Variants in CTNNA3 observed in about 807,000 individuals in gnomAD.
CTNNA3 encodes the protein catenin alpha-3.
CTNNA3 carries 76 observed loss-of-function variants against 95.7 expected under a neutral mutation model. The observed-to-expected ratio is 0.79, with a 90% CI of 0.66 to 0.96. The LOEUF (loss-of-function observed/expected upper bound fraction) is 0.96. Ranked by LOEUF, CTNNA3 falls within the 40% of genes least tolerant of loss-of-function variation. The pLI is 0.00. For missense variants in CTNNA3, 1,191 were observed against 1,089.8 expected, an observed-to-expected ratio of 1.09 and a Z score of -1.31; for synonymous variants, 431 against 374.4, an observed-to-expected ratio of 1.15 and a Z score of -1.74.
intron 2 of CTNNA3, among the ~76,000 whole-genome samples, chr10:67,612,207 T>C (rs370655141): frequency 3.3e-5 from 5 of 152,198 alleles, no homozygotes; most frequent in Non-Finnish European, 7.3e-5. Flanking sequence ...TAAACACTTA[T>C]ATTTTGTTCA....
chr10:66,744,559 C>T (rs4319399), intron 9 of CTNNA3, among the ~76,000 whole-genome samples: 76,984 of 151,958 alleles, frequency 0.51, 19,800 homozygotes, highest in African/African-American at 0.59. Context: ...TATTTCTAGA[C>T]AGTATCTAAT....
At chr10:67,096,310 C>A (rs1857989429) in intron 7 of CTNNA3, among the ~76,000 whole-genome samples, 2 of 151,654 alleles carry the variant, frequency 1.3e-5, no homozygotes, top group Admixed American at 1.3e-4. Context: ...GGGATGGAAA[C>A]AGAAGTGGCA....
At chr10:67,763,288 AT>A (rs1281332463) in intron 1 of CTNNA3, among the ~76,000 whole-genome samples, 1 of 145,154 alleles carries the variant, frequency 6.9e-6, no homozygotes, top group Non-Finnish European at 1.5e-5. Flanking sequence ...AAAAAAAAAA[AT>A]TCCTAAAAGA....
chr10:66,008,793 T>A (rs913194478), intron 15 of CTNNA3, among the ~76,000 whole-genome samples: 1 of 152,072 alleles, frequency 6.6e-6, no homozygotes, highest in Non-Finnish European at 1.5e-5. Flanking sequence ...TGTGAATGAG[T>A]ATTAGAGGAT....
intron 10 of CTNNA3, among the ~76,000 whole-genome samples, chr10:66,557,678 G>A (rs1842432459): frequency 6.6e-6 from 1 of 152,070 alleles, no homozygotes; most frequent in African/African-American, 2.4e-5. Flanking sequence ...TCACACATAA[G>A]TATACTCCCA....
chr10:67,103,766 T>G (rs889152899), intron 7 of CTNNA3, among the ~76,000 whole-genome samples: 14 of 151,800 alleles, frequency 9.2e-5, no homozygotes, highest in African/African-American at 3.4e-4. Flanking sequence ...TTATACAGAA[T>G]TATTTATTCT....
At chr10:66,598,213 T>G (rs556710251) in intron 10 of CTNNA3, among the ~76,000 whole-genome samples, 1 of 152,198 alleles carries the variant, frequency 6.6e-6, no homozygotes, top group Admixed American at 6.5e-5. Flanking sequence ...TTTGACATTC[T>G]TTTTTGATAA....
intron 14 of CTNNA3, among the ~76,000 whole-genome samples, chr10:66,074,943 A>T (rs1390320491): frequency 6.6e-6 from 1 of 151,904 alleles, no homozygotes; most frequent in African/African-American, 2.4e-5. Context: ...AGCTAAAAAA[A>T]ACTCAAGACT....
chr10:66,510,698 G>A (rs1218489085), intron 11 of CTNNA3, among the ~76,000 whole-genome samples: 1 of 151,736 alleles, frequency 6.6e-6, no homozygotes, highest in African/African-American at 2.4e-5. Flanking sequence ...TACATTTATT[G>A]ATTTGCATAT....
chr10:67,742,930 T>C (rs1257053971), intron 1 of CTNNA3, among the ~76,000 whole-genome samples: 3 of 151,132 alleles, frequency 2.0e-5, no homozygotes, highest in African/African-American at 7.3e-5. Context: ...TCTACGCATA[T>C]ATCCTCCCAA....
intron 9 of CTNNA3, among the ~76,000 whole-genome samples, chr10:66,699,922 G>T (rs564159423): frequency 3.3e-5 from 5 of 152,176 alleles, no homozygotes. Flanking sequence ...CTCCCAAAGT[G>T]CTGGGATTAC....
intron 13 of CTNNA3, among the ~76,000 whole-genome samples, chr10:66,261,804 C>G (rs918764216): frequency 5.9e-5 from 9 of 151,828 alleles, no homozygotes; most frequent in African/African-American, 1.9e-4. Context: ...TTTTGAAGAC[C>G]CCCACAGAGG....
At position 67,473,614 on chromosome 10, in the gene CTNNA3, T is replaced by A. The variant is rs1175195693; in HGVS notation, c.579+48228A>T. On this transcript the variant is annotated intron_variant, in intron 5 of 17. Coordinates refer to ENST00000433211, the MANE Select transcript of CTNNA3 (RefSeq NM_013266.4). ...GAGGCTCATTAAATTACACTGTAAA[T>A]ACAGTGGGCCCTACATATTCACAGA... 4.6e-5 allele frequency among the ~76,000 whole-genome samples: 7 copies of A among 152,246 alleles called. No homozygotes were observed. In the South Asian group the frequency reaches 1.5e-3, roughly 32 times the overall value.
At chr10:67,359,074 T>A (rs1463154792) in intron 5 of CTNNA3, among the ~76,000 whole-genome samples, 1 of 151,800 alleles carries the variant, frequency 6.6e-6, no homozygotes, top group African/African-American at 2.4e-5. Context: ...TAAATATGCA[T>A]CACCTGTGAA....
At chr10:66,155,081 A>C (rs2084420696) in intron 13 of CTNNA3, among the ~76,000 whole-genome samples, 1 of 151,798 alleles carries the variant, frequency 6.6e-6, no homozygotes, top group African/African-American at 2.4e-5. Context: ...TGCGGGCTGT[A>C]GTTTTTCAAT....
At chr10:67,166,610 A>G (rs1861778901) in intron 7 of CTNNA3, among the ~76,000 whole-genome samples, 1 of 152,220 alleles carries the variant, frequency 6.6e-6, no homozygotes, top group Admixed American at 6.5e-5. Flanking sequence ...TAAAGCTGTA[A>G]CTAACAACTC....
chr10:65,971,327 A>G (rs1372505697), intron 16 of CTNNA3, among the ~76,000 whole-genome samples: 1 of 151,612 alleles, frequency 6.6e-6, no homozygotes, highest in Non-Finnish European at 1.5e-5. Flanking sequence ...TGGAACTGAA[A>G]GAATTTGAGA....
At chr10:67,265,922 G>C (rs1866806056) in intron 5 of CTNNA3, among the ~76,000 whole-genome samples, 1 of 152,090 alleles carries the variant, frequency 6.6e-6, no homozygotes, top group Admixed American at 6.6e-5. Context: ...ACACCCCGGA[G>C]ATTCCAAAAT....
intron 11 of CTNNA3, among the ~76,000 whole-genome samples, chr10:66,435,192 T>C (rs1193615341): frequency 6.6e-6 from 1 of 152,178 alleles, no homozygotes; most frequent in Non-Finnish European, 1.5e-5. Context: ...ATTTCTTTTC[T>C]ATTGTTTGAA....
Sources: gnomAD v4.1 joint callset for allele counts (sites outside exome capture counted in the v4.1 genomes callset) on GRCh38, gnomAD v4.1.1 for gene constraint, MANE v1.5 for transcripts, NCBI Gene and HGNC (gene_info 2026-07-23, HGNC 2026-07-21) for gene names.